EPHX2: variants seen among roughly 807,000 people sequenced by gnomAD.
EPHX2 encodes epoxide hydrolase 2.
EPHX2 carries 74 observed loss-of-function variants against 78.7 expected under a neutral mutation model. The ratio of observed to expected loss-of-function variants is 0.94; its 90% CI spans 0.78 to 1.14. The LOEUF (loss-of-function observed/expected upper bound fraction) is 1.14. Ranked by LOEUF, EPHX2 falls within the 50% of genes most tolerant of loss-of-function variation. The probability of loss-of-function intolerance (pLI) is 0.00; values close to 1 mark genes in which losing one functional copy is unlikely to be tolerated. For synonymous variants in EPHX2, 251 were observed against 255.2 expected (o/e 0.98, Z 0.16); for missense variants, 715 against 702.5 (o/e 1.02, Z -0.20).
At chr8:27,537,017 T>A (rs1815236033) in intron 13 of EPHX2, among the ~76,000 whole-genome samples, 162 bp downstream of exon 13, 1 of 152,148 alleles carries the variant, frequency 6.6e-6, no homozygotes, top group Non-Finnish European at 1.5e-5. Context: ...AAAATTTACA[T>A]CCTCGTTGAC....
intron 9 of EPHX2, among the ~76,000 whole-genome samples, chr8:27,518,855 A>C (rs961745317): frequency 2.0e-5 from 3 of 151,948 alleles, no homozygotes; most frequent in African/African-American, 7.3e-5. Flanking sequence ...TGCCTCTTGC[A>C]CTCTGCTGCT....
At chr8:27,506,542 T>C (rs988752194) in intron 4 of EPHX2, among the ~76,000 whole-genome samples, 1 of 152,224 alleles carries the variant, frequency 6.6e-6, no homozygotes, top group Non-Finnish European at 1.5e-5. Flanking sequence ...ATTGTTTGAC[T>C]CTCTGCCCTC....
rs1481602823 is a variant in EPHX2 at position 27,491,154 on chromosome 8, C to T, written c.-55C>T. The stretch of plus-strand genomic sequence containing the variant: ...TGGGCGGGTCATGCGCCCTGGCCTT[C>T]GCGCATCTCCCAGGTTAGCTGCGTG... On this transcript the variant is annotated 5_prime_UTR_variant, in exon 1 of 19. Transcript: ENST00000521400. 2.7e-6 allele frequency: 4 copies of T among 1,505,092 alleles called. No homozygotes were observed. In the South Asian group the frequency reaches 3.6e-5, roughly 14 times the overall value. 93.2% of individuals were successfully genotyped at this position (1,505,092 alleles called of 1,614,324 possible).
At chr8:27,541,692 T>A (rs1347837877) in intron 16 of EPHX2, 150 bp downstream of exon 16, 3 of 770,570 alleles carry the variant, frequency 3.9e-6, no homozygotes, top group East Asian at 2.7e-5. Context: ...GGGAAGTGAC[T>A]CCCTTCAGGG....
intron 9 of EPHX2, among the ~76,000 whole-genome samples, chr8:27,518,462 T>C (rs72475859): frequency 0.023 from 3,491 of 152,344 alleles, 128 homozygotes; most frequent in African/African-American, 0.073. Flanking sequence ...GTGCAGACTG[T>C]GACCAGCATG....
At chr8:27,515,853 T>A (rs771665747) in intron 7 of EPHX2, 40 bp downstream of exon 7, 1 of 1,571,932 alleles carries the variant, frequency 6.4e-7, no homozygotes. Context: ...CAGGGTGAGG[T>A]TGGGGGAGTC....
At chr8:27,515,028 AC>A (rs1313721223) in intron 6 of EPHX2, among the ~76,000 whole-genome samples, 5 of 152,038 alleles carry the variant, frequency 3.3e-5, no homozygotes, top group Non-Finnish European at 7.4e-5. Context: ...CCCCAGAGAA[AC>A]TCCAAACAGC....
chr8:27,507,495 C>T (rs1814058718), intron 5 of EPHX2, among the ~76,000 whole-genome samples: 1 of 152,162 alleles, frequency 6.6e-6, no homozygotes, highest in South Asian at 2.1e-4. Flanking sequence ...TCCTCCAGTT[C>T]TGAGGCACCT....
rs150830291 is a variant in EPHX2, at chr8:27,500,640, G to A, written c.102-286G>A. 9.2e-5 allele frequency among the ~76,000 whole-genome samples: 14 copies of A among 152,286 alleles called. No individual in the cohort carries two copies. In the East Asian group the frequency reaches 9.7e-4, roughly 11 times the overall value. On this transcript the variant is annotated intron_variant, in intron 1 of 18. Coordinates refer to ENST00000521400, the MANE Select transcript of EPHX2 (RefSeq NM_001979.6). ...CGCGTGCCCACTCTCGGTTCTGACC[G>A]TTATATAGTAAAGTAGGAAGCGCCT...
Position 27,503,779 on chromosome 8 carries a change from T to G in EPHX2, c.346+16T>G. ...AGGAAGAAAGGTAAGGATCTGATAC[T>G]GGCCAATCTCAGGCCGAACCACCCA... is the stretch of plus-strand genomic sequence containing the variant. On this transcript the variant is annotated intron_variant, in intron 3 of 18. Transcript: ENST00000521400. 6.2e-7 allele frequency: 1 copy of G among 1,605,940 alleles called. No homozygotes were observed. The highest frequency in any genetic ancestry group is 8.5e-7 in the Non-Finnish European group (1 of 1,178,488).
chr8:27,515,913 A>C (rs1814432829), intron 7 of EPHX2, 100 bp downstream of exon 7: 1 of 1,025,734 alleles, frequency 9.7e-7, no homozygotes, highest in Non-Finnish European at 1.5e-6. Context: ...GAAACCTGAC[A>C]GTGGAGCATT....
At chr8:27,548,524 CCTGT>C (rs1448368175), downstream of EPHX2, among the ~76,000 whole-genome samples, 1 of 152,206 alleles carries the variant, frequency 6.6e-6, no homozygotes, top group African/African-American at 2.4e-5. Flanking sequence ...TCGGGGGCTG[CCTGT>C]CTAAGTAATT....
rs375528474 is a variant in EPHX2, at chr8:27,543,815, C to A, written c.1516C>A (p.His506Asn). 15 of 1,614,012 alleles carry A rather than the reference C, an allele frequency of 9.3e-6. No homozygotes were observed. The highest frequency in any genetic ancestry group is 6.7e-5 in the East Asian group (3 of 44,894). The change falls in exon 17 of 19, where the codon CAC (histidine) becomes AAC (asparagine). Residue 506 changes from histidine to asparagine, a missense_variant. Transcript: ENST00000521400. ...DFVLVPQMSQ[H>N]MEDWIPHLKR... is the part of the protein sequence containing the mutation. The stretch of plus-strand genomic sequence containing the variant: ...CGTGCTCGTTCCTCAGATGTCCCAG[C>A]ACATGGAGGACTGGGTGAGGGAATG...
At chr8:27,508,387 T>C (rs1408290705) in intron 5 of EPHX2, among the ~76,000 whole-genome samples, 1 of 152,216 alleles carries the variant, frequency 6.6e-6, no homozygotes, top group African/African-American at 2.4e-5. Flanking sequence ...ATGACAAGAC[T>C]GATTTTTTTG....
chr8:27,547,963 T>C (rs1037194479), downstream of EPHX2, among the ~76,000 whole-genome samples: 15 of 152,222 alleles, frequency 9.9e-5, no homozygotes, highest in Admixed American at 7.2e-4. Flanking sequence ...ATTACAAGTA[T>C]ATTCCCCTCT....
intron 1 of EPHX2, among the ~76,000 whole-genome samples, chr8:27,495,304 A>C (rs9785168): frequency 6.6e-6 from 1 of 152,124 alleles, no homozygotes; most frequent in African/African-American, 2.4e-5. Flanking sequence ...AACTGGGTGC[A>C]GGTCCCTGGG....
At chr8:27,544,058 A>G in intron 17 of EPHX2, 128 bp from the exon 18 acceptor site, 3 of 1,153,390 alleles carry the variant, frequency 2.6e-6, no homozygotes, top group South Asian at 1.3e-5. Context: ...CCCTTCCTAA[A>G]TCATGCAGGG....
chr8:27,540,566 T>G lies in EPHX2; in HGVS notation c.1289T>G (p.Val430Gly). Residue 430 changes from valine to glycine, a missense_variant, in exon 15 of 19, where the codon GTA becomes GGA. Val to Gly is a moderately radical substitution (Grantham distance 109, BLOSUM62 -3). Coordinates refer to ENST00000521400, the MANE Select transcript of EPHX2 (RefSeq NM_001979.6). The stretch of plus-strand genomic sequence containing the variant: ...GCTTTTTTTGCAGGAGGACTTTTTG[T>G]AAATAGCCCAGAAGAGCCCAGCCTC... ...HKVCEAGGLF[V>G]NSPEEPSLSR... 3 of 1,614,052 alleles carry G rather than the reference T, an allele frequency of 1.9e-6. No homozygotes were observed. Among genetic ancestry groups the G allele is most frequent in the Non-Finnish European group, 2.5e-6 (3 of 1,179,982 alleles).
chr8:27,543,641 A>G (rs1815483417), intron 16 of EPHX2, 108 bp from the exon 17 acceptor site: 1 of 1,110,784 alleles, frequency 9.0e-7, no homozygotes, highest in Non-Finnish European at 1.3e-6. Context: ...AGTTCGGCAG[A>G]TACAACGTCA....
Sources: allele counts gnomAD v4.1 joint callset (sites outside exome capture counted in the v4.1 genomes callset), GRCh38; gene constraint gnomAD v4.1.1; transcripts MANE v1.5; gene names NCBI Gene and HGNC (gene_info 2026-07-23, HGNC 2026-07-21).